The following HORMAD2 variants were observed in gnomAD, a reference collection of about 807,000 sequenced individuals.
HORMAD2 encodes HORMA domain containing 2, also known as HORMA domain-containing protein 2.
Under a neutral mutation model 38.8 loss-of-function variants are expected in HORMAD2, and 45 were observed. That is an observed-to-expected ratio of 1.16 (90% confidence interval 0.91 to 1.49). The LOEUF (loss-of-function observed/expected upper bound fraction) is 1.49, where lower values mean the gene tolerates loss of function less well. Ranked by LOEUF, HORMAD2 falls within the 40% of genes most tolerant of loss-of-function variation. The pLI is 0.00. For synonymous variants in HORMAD2, 126 were observed against 122.8 expected (o/e 1.03, Z -0.17); for missense variants, 338 against 367.0 (o/e 0.92, Z 0.65).
chr22:30,098,694 T>C (rs973073536), intron 2 of HORMAD2, among the ~76,000 whole-genome samples, 158 bp from the exon 3 acceptor site: 2 of 152,232 alleles, frequency 1.3e-5, no homozygotes, highest in African/African-American at 4.8e-5. Context: ...GAAGATCTAA[T>C]TTAATGTAAT....
intron 10 of HORMAD2, among the ~76,000 whole-genome samples, chr22:30,141,768 T>C (rs1205308866): frequency 2.0e-5 from 3 of 152,112 alleles, no homozygotes; most frequent in Admixed American, 2.0e-4. Context: ...CTAATTTTTT[T>C]GTATTTTTAA....
intron 1 of HORMAD2, among the ~76,000 whole-genome samples, chr22:30,086,615 G>A (rs541764142): frequency 3.3e-5 from 5 of 152,208 alleles, no homozygotes; most frequent in Admixed American, 2.6e-4. Flanking sequence ...ATGCATAGTC[G>A]AGTTTGTAAT....
At chr22:30,200,372 T>G in the HORMAD2 span, among the ~76,000 whole-genome samples, 1 of 152,200 alleles carries the variant, frequency 6.6e-6, no homozygotes, top group African/African-American at 2.4e-5. Flanking sequence ...CTTTAAAATT[T>G]CTAAGTAAAA....
At chr22:30,087,782 T>C (rs2068596740) in intron 1 of HORMAD2, among the ~76,000 whole-genome samples, 1 of 151,998 alleles carries the variant, frequency 6.6e-6, no homozygotes, top group Non-Finnish European at 1.5e-5. Flanking sequence ...CTCACTCACT[T>C]ACTATTGCAA....
chr22:30,088,402 T>C (rs2146061453), intron 1 of HORMAD2, among the ~76,000 whole-genome samples: 1 of 151,622 alleles, frequency 6.6e-6, no homozygotes, highest in Admixed American at 6.6e-5. Flanking sequence ...CCTTTCTCAA[T>C]AGCAAGTGTC....
intron 8 of HORMAD2, among the ~76,000 whole-genome samples, chr22:30,119,708 G>A (rs1922303926): frequency 6.6e-6 from 1 of 152,174 alleles, no homozygotes; most frequent in Non-Finnish European, 1.5e-5. Context: ...AGGTACAGAT[G>A]ATGGTGAAAA....
intron 10 of HORMAD2, among the ~76,000 whole-genome samples, chr22:30,140,217 T>C (rs1923982557): frequency 1.3e-5 from 2 of 152,084 alleles, no homozygotes; most frequent in South Asian, 4.1e-4. Context: ...TGAGCTGAGA[T>C]AGCGCCAGTG....
At chr22:30,153,590 T>C (rs1368332556) in intron 10 of HORMAD2, among the ~76,000 whole-genome samples, 1 of 152,194 alleles carries the variant, frequency 6.6e-6, no homozygotes, top group Non-Finnish European at 1.5e-5. Flanking sequence ...CCAAATCATA[T>C]CCATTTTGCA....
chr22:30,204,037 C>T, the HORMAD2 span, among the ~76,000 whole-genome samples: 1 of 152,194 alleles, frequency 6.6e-6, no homozygotes, highest in African/African-American at 2.4e-5. Context: ...ACCCCCCATG[C>T]CCTATACTTG....
upstream of HORMAD2, among the ~76,000 whole-genome samples, chr22:30,079,223 A>G (rs1291847476): frequency 2.0e-5 from 3 of 152,096 alleles, no homozygotes; most frequent in East Asian, 1.9e-4. Context: ...ATGGGACTCC[A>G]GGAGCCTTTG....
chr22:30,109,326 CTCTT>C (rs1921453395), intron 5 of HORMAD2, among the ~76,000 whole-genome samples: 1 of 148,692 alleles, frequency 6.7e-6, no homozygotes, highest in Non-Finnish European at 1.5e-5. Flanking sequence ...GCCCGGCCCT[CTCTT>C]TCTTTCTTAT....
chr22:30,191,721 A>C, the HORMAD2 span, among the ~76,000 whole-genome samples: 2 of 152,232 alleles, frequency 1.3e-5, no homozygotes, highest in Non-Finnish European at 2.9e-5. Flanking sequence ...CCCTACTGGA[A>C]ATCTTTTGTA....
At chr22:30,117,374 C>T (rs369813421) in intron 7 of HORMAD2, among the ~76,000 whole-genome samples, 4 of 152,268 alleles carry the variant, frequency 2.6e-5, no homozygotes, top group East Asian at 1.9e-4. Context: ...TGTGGACATA[C>T]TGTATGACAT....
Position 30,121,793 on chromosome 22 carries a change from G to C in HORMAD2, c.568+4G>C. On this transcript the variant is annotated splice_donor_region_variant and intron_variant, in intron 9 of 10. Transcript: ENST00000336726. Reference sequence around the variant, plus strand: ...AAACTCCACTACTATAATGCAGGTAGGTAGAGAACTTTAGGCAAATTCCTC... The same window carrying C: ...AAACTCCACTACTATAATGCAGGTACGTAGAGAACTTTAGGCAAATTCCTC... 6.2e-7 allele frequency: 1 copy of C among 1,601,416 alleles called. No individual in the cohort carries two copies. Among genetic ancestry groups the C allele is most frequent in the Non-Finnish European group, 8.5e-7 (1 of 1,176,164 alleles).
At chr22:30,139,232 TTA>T (rs1161752968) in intron 10 of HORMAD2, among the ~76,000 whole-genome samples, 8 of 110,954 alleles carry the variant, frequency 7.2e-5, no homozygotes, top group South Asian at 2.8e-4. Flanking sequence ...ATAAATGTGT[TTA>T]TATATATATA....
intron 7 of HORMAD2, among the ~76,000 whole-genome samples, chr22:30,118,183 C>T (rs982584309): frequency 1.3e-5 from 2 of 152,120 alleles, no homozygotes; most frequent in Non-Finnish European, 2.9e-5. Flanking sequence ...AACCCCTTAC[C>T]ATAGCCAACA....
At chr22:30,202,590 C>T in the HORMAD2 span, among the ~76,000 whole-genome samples, 2 of 152,130 alleles carry the variant, frequency 1.3e-5, no homozygotes, top group Non-Finnish European at 2.9e-5. Flanking sequence ...TCTCCTGCTT[C>T]CCATTACAGC....
intron 1 of HORMAD2, among the ~76,000 whole-genome samples, chr22:30,092,174 C>T (rs554997262): frequency 2.0e-5 from 3 of 152,066 alleles, no homozygotes; most frequent in Admixed American, 2.0e-4. Flanking sequence ...AGCCACCTCG[C>T]CTGGCCATTT....
chr22:30,195,794 C>T, the HORMAD2 span, among the ~76,000 whole-genome samples: 1 of 152,174 alleles, frequency 6.6e-6, no homozygotes, highest in Non-Finnish European at 1.5e-5. Context: ...ACCAACTAGG[C>T]TATCATCATC....
Sources: gnomAD v4.1 joint callset for allele counts (sites outside exome capture counted in the v4.1 genomes callset) on GRCh38, gnomAD v4.1.1 for gene constraint, MANE v1.5 for transcripts, NCBI Gene and HGNC (gene_info 2026-07-23, HGNC 2026-07-21) for gene names.